Variants in DPF3 observed in about 807,000 individuals in gnomAD.
DPF3 encodes zinc finger protein DPF3.
In DPF3, 18 loss-of-function variants were observed where a neutral mutation model predicts 56.8. That is an observed-to-expected ratio of 0.32 (90% CI 0.22 to 0.47). The LOEUF (loss-of-function observed/expected upper bound fraction) is 0.47. Among genes scored for constraint, DPF3 ranks in the 20% least tolerant of loss-of-function variants. DPF3 has a pLI of 1.00. For synonymous variants in DPF3, 188 were observed against 180.2 expected, an observed-to-expected ratio of 1.04 and a Z score of -0.35; for missense variants, 403 against 488.8, an observed-to-expected ratio of 0.82 and a Z score of 1.65.
rs187645157 is a variant in DPF3 at position 72,830,496 on chromosome 14, T to C, written c.33-58603A>G. Among the ~76,000 whole-genome samples the C allele has an allele frequency of 9.2e-5, 14 of 152,300 alleles. No homozygotes were observed. In the East Asian group the frequency reaches 2.5e-3, roughly 27 times the overall value. On this transcript the variant is annotated intron_variant, in intron 1 of 10. Transcript: ENST00000556509. ...CTTGAACTCAAATCCCAGTTCCACCTCTCCTCATTCCCTGACCTTGAGCAA... is the reference window on the plus strand; with the variant it reads ...CTTGAACTCAAATCCCAGTTCCACCCCTCCTCATTCCCTGACCTTGAGCAA...
At chr14:72,725,261 T>C (rs1889353268) in intron 4 of DPF3, among the ~76,000 whole-genome samples, 2 of 152,154 alleles carry the variant, frequency 1.3e-5, no homozygotes, top group South Asian at 4.1e-4. Flanking sequence ...TGTCACCATA[T>C]AATTACAACT....
At chr14:72,828,805 G>A (rs1361902330) in intron 1 of DPF3, among the ~76,000 whole-genome samples, 2 of 152,180 alleles carry the variant, frequency 1.3e-5, no homozygotes, top group Admixed American at 1.3e-4. Flanking sequence ...AAGCAGAGGT[G>A]GGTGACGTGA....
intron 1 of DPF3, among the ~76,000 whole-genome samples, chr14:72,775,874 A>C (rs532120857): frequency 3.3e-5 from 5 of 152,268 alleles, no homozygotes; most frequent in South Asian, 4.2e-4. Flanking sequence ...CAAAATCGTC[A>C]CAGGGCTTGC....
rs112064061 is a variant in DPF3, at chr14:72,609,333, C to A, written c.*9964G>T. Among the ~76,000 whole-genome samples, 1,143 of 152,280 alleles carry A rather than the reference C, an allele frequency of 7.5e-3. 12 individuals carry two copies. Among genetic ancestry groups the A allele is most frequent in the African/African-American group, 0.025 (1,056 of 41,542 alleles). ...CAAGAGAGGTGGGGTGGTCCTGGCA[C>A]GTGGGCCACCAGTCTTCTGAATGAA... On this transcript the variant is annotated 3_prime_UTR_variant, in exon 11 of 11. Transcript: ENST00000556509.
chr14:72,875,568 G>A (rs1473349046), intron 1 of DPF3, among the ~76,000 whole-genome samples: 1 of 152,228 alleles, frequency 6.6e-6, no homozygotes, highest in East Asian at 1.9e-4. Context: ...CATAGGGCTT[G>A]AACTTGAACC....
intron 8 of DPF3, among the ~76,000 whole-genome samples, chr14:72,631,583 G>A (rs1885172815): frequency 6.6e-6 from 1 of 152,054 alleles, no homozygotes; most frequent in Non-Finnish European, 1.5e-5. Flanking sequence ...TAGGCAAGTT[G>A]ACTTTGGCCA....
intron 1 of DPF3, among the ~76,000 whole-genome samples, chr14:72,813,740 T>C (rs981058200): frequency 6.6e-6 from 1 of 152,212 alleles, no homozygotes; most frequent in African/African-American, 2.4e-5. Context: ...CATTTTTTAA[T>C]CTGCAAAAAT....
intron 6 of DPF3, among the ~76,000 whole-genome samples, chr14:72,695,370 G>A (rs1334187853): frequency 6.6e-6 from 1 of 152,182 alleles, no homozygotes. Context: ...TGAAAAGAGG[G>A]ACTTTGACCC....
intron 1 of DPF3, among the ~76,000 whole-genome samples, chr14:72,874,664 A>G (rs1169602279): frequency 6.6e-6 from 1 of 152,180 alleles, no homozygotes; most frequent in Non-Finnish European, 1.5e-5. Flanking sequence ...CCTCATCTCC[A>G]TCTGAGACAA....
At chr14:72,671,023 A>G (rs1886649321) in intron 8 of DPF3, 1 of 1,483,066 alleles carries the variant, frequency 6.7e-7, no homozygotes, top group Admixed American at 2.3e-5. Context: ...AAAAGCAAGG[A>G]TAGAGGGAAA....
intron 1 of DPF3, among the ~76,000 whole-genome samples, chr14:72,880,324 G>A (rs1006296900): frequency 6.6e-6 from 1 of 152,198 alleles, no homozygotes; most frequent in Non-Finnish European, 1.5e-5. Context: ...AAGTCACCCA[G>A]AGCAATTCAC....
chr14:72,654,188 C>CT (rs1463624506), intron 8 of DPF3, among the ~76,000 whole-genome samples: 7 of 152,132 alleles, frequency 4.6e-5, no homozygotes, highest in Non-Finnish European at 8.8e-5. Context: ...CCTGTGACTC[C>CT]CCCCAGCAGC....
intron 2 of DPF3, among the ~76,000 whole-genome samples, chr14:72,754,766 A>T (rs951121348): frequency 3.9e-5 from 6 of 152,208 alleles, no homozygotes; most frequent in African/African-American, 1.4e-4. Context: ...CATTTTTACC[A>T]GTCAACTCTA....
chr14:72,860,703 T>C (rs1885361872), intron 1 of DPF3, among the ~76,000 whole-genome samples: 2 of 152,060 alleles, frequency 1.3e-5, no homozygotes, highest in African/African-American at 4.8e-5. Context: ...GTAGCTGAGA[T>C]TACAGGCGTG....
chr14:72,679,261 G>T (rs893390314), intron 7 of DPF3: 1 of 152,264 alleles, frequency 6.6e-6, no homozygotes, highest in Admixed American at 6.5e-5. Flanking sequence ...ACAGCCACTC[G>T]TCTGGGTTCT....
chr14:72,708,247 C>T (rs558958256), intron 6 of DPF3, among the ~76,000 whole-genome samples: 1 of 152,336 alleles, frequency 6.6e-6, no homozygotes, highest in South Asian at 2.1e-4. Flanking sequence ...CCAGCCCTGC[C>T]TCTGGCCAGT....
chr14:72,776,473 T>A (rs1891748252), intron 1 of DPF3, among the ~76,000 whole-genome samples: 1 of 152,092 alleles, frequency 6.6e-6, no homozygotes, highest in Non-Finnish European at 1.5e-5. Flanking sequence ...ACATGAGATT[T>A]CCAGCAACCC....
chr14:72,733,632 G>A (rs1889766016), intron 3 of DPF3, among the ~76,000 whole-genome samples: 1 of 152,156 alleles, frequency 6.6e-6, no homozygotes, highest in South Asian at 2.1e-4. Context: ...ACCTTAAACA[G>A]AAGCGAGAGG....
At chr14:72,761,943 TAGG>T (rs1220238071) in intron 2 of DPF3, among the ~76,000 whole-genome samples, 6 of 151,726 alleles carry the variant, frequency 4.0e-5, no homozygotes, top group African/African-American at 1.4e-4. Context: ...TGCAACCAAT[TAGG>T]AGAATGTAGA....
Sources: allele counts gnomAD v4.1 joint callset (sites outside exome capture counted in the v4.1 genomes callset), GRCh38; gene constraint gnomAD v4.1.1; transcripts MANE v1.5; gene names NCBI Gene and HGNC (gene_info 2026-07-23, HGNC 2026-07-21).